Variants in OCA2 observed in about 807,000 individuals in gnomAD.
OCA2 encodes OCA2 melanosomal transmembrane protein.
In OCA2, 77 loss-of-function variants were observed where a neutral mutation model predicts 100.2. The observed-to-expected ratio is 0.77, with a 90% CI of 0.64 to 0.93. The LOEUF (loss-of-function observed/expected upper bound fraction) is 0.93, where lower values mean the gene tolerates loss of function less well. OCA2 is among the 40% of genes least tolerant of loss of function. The probability of loss-of-function intolerance (pLI) is 0.00; values close to 1 mark genes in which losing one functional copy is unlikely to be tolerated. For missense variants in OCA2, 1,062 were observed against 1,089.1 expected, an observed-to-expected ratio of 0.98 and a Z score of 0.35; for synonymous variants, 432 against 439.2, an observed-to-expected ratio of 0.98 and a Z score of 0.21.
At chr15:28,076,853 CAA>C (rs575299612) in intron 2 of OCA2, among the ~76,000 whole-genome samples, 5 of 60,744 alleles carry the variant, frequency 8.2e-5, no homozygotes, top group Admixed American at 1.7e-4. Context: ...GACTCCGTCT[CAA>C]AAAAAAAAAA....
intron 19 of OCA2, among the ~76,000 whole-genome samples, chr15:27,903,446 AC>A (rs1220470280): frequency 6.6e-6 from 1 of 152,042 alleles, no homozygotes; most frequent in African/African-American, 2.4e-5. Flanking sequence ...GGAACTTCCA[AC>A]TCCCACCTAC....
intron 2 of OCA2, among the ~76,000 whole-genome samples, chr15:28,071,323 C>A (rs914944118): frequency 6.6e-6 from 1 of 152,072 alleles, no homozygotes; most frequent in African/African-American, 2.4e-5. Flanking sequence ...TAATCAATAT[C>A]ATAAAAATGT....
In OCA2 at chr15:28,053,679, TCACCTCAGAGGCCC is replaced by T. The variant is rs528563333; in HGVS notation, c.228-21530_228-21517del. Among the ~76,000 whole-genome samples, 903 of 152,206 alleles carry T rather than the reference TCACCTCAGAGGCCC, an allele frequency of 5.9e-3. 2 individuals carry two copies. The highest frequency in any genetic ancestry group is 0.014 in the Middle Eastern group (4 of 294). ...ATGAGGTCTCCCAAAGAGGGGGACC[TCACCTCAGAGGCCC>T]CACCTCAGAGGGCCTCCCAGCACAA... On this transcript the variant is annotated intron_variant, in intron 2 of 23. Transcript: ENST00000354638.
chr15:27,742,462 A>G, the OCA2 span, among the ~76,000 whole-genome samples: 1 of 152,116 alleles, frequency 6.6e-6, no homozygotes, highest in Non-Finnish European at 1.5e-5. Context: ...ACAAAAGCCA[A>G]TCACCTCCCA....
chr15:27,859,976 C>T (rs369338619), intron 21 of OCA2, among the ~76,000 whole-genome samples: 1 of 152,176 alleles, frequency 6.6e-6, no homozygotes, highest in Non-Finnish European at 1.5e-5. Context: ...TATAAAGGTG[C>T]TATTTTTTAA....
In OCA2 at chr15:27,883,877, G is replaced by T. The variant is rs1045514774; in HGVS notation, c.2080-11955C>A. Among the ~76,000 whole-genome samples, 6 of 152,046 alleles carry T rather than the reference G, an allele frequency of 3.9e-5. No individual in the cohort carries two copies. In the South Asian group the frequency reaches 1.2e-3, roughly 32 times the overall value. On this transcript the variant is annotated intron_variant, in intron 19 of 23. Transcript: ENST00000354638. ...CTGACCTGAGCAAAAAGAAAAATCT[G>T]ATTTTTTTGAACCTCTAAAATATAT...
At chr15:28,029,438 A>G (rs2042850503) in intron 3 of OCA2, among the ~76,000 whole-genome samples, 2 of 152,252 alleles carry the variant, frequency 1.3e-5, no homozygotes, top group African/African-American at 4.8e-5. Context: ...ATAAGAAGAC[A>G]GAGGGAAGCA....
At chr15:27,791,407 C>T (rs2033073762) in intron 23 of OCA2, among the ~76,000 whole-genome samples, 1 of 152,108 alleles carries the variant, frequency 6.6e-6, no homozygotes, top group South Asian at 2.1e-4. Flanking sequence ...AGAAGCCAGA[C>T]CCAAAAGGCT....
intron 7 of OCA2, among the ~76,000 whole-genome samples, chr15:28,017,073 G>A (rs767580050): frequency 2.6e-5 from 4 of 151,364 alleles, no homozygotes; most frequent in African/African-American, 9.7e-5. Context: ...CGGGGGGCGG[G>A]GGGGGACCCT....
At chr15:27,990,280 T>A (rs570859021) in intron 10 of OCA2, among the ~76,000 whole-genome samples, 19 of 152,168 alleles carry the variant, frequency 1.2e-4, no homozygotes, top group Admixed American at 7.9e-4. Flanking sequence ...AACACCCAGA[T>A]CCAGCCCCAT....
At chr15:27,838,081 G>A (rs2035221628) in intron 23 of OCA2, among the ~76,000 whole-genome samples, 1 of 151,958 alleles carries the variant, frequency 6.6e-6, no homozygotes, top group Admixed American at 6.6e-5. Context: ...ATCTAAATAC[G>A]GAAGCTGGTA....
At chr15:27,858,002 CA>C (rs919857771) in intron 21 of OCA2, among the ~76,000 whole-genome samples, 1 of 146,688 alleles carries the variant, frequency 6.8e-6, no homozygotes, top group East Asian at 2.0e-4. Context: ...CTGTACACTA[CA>C]AAAAAATCAA....
At position 28,051,657 on chromosome 15, in the gene OCA2, GA is replaced by G. The variant is rs374430754; in HGVS notation, c.228-19495del. 4.1e-4 allele frequency among the ~76,000 whole-genome samples: 59 copies of G among 144,184 alleles called. No homozygotes were observed. In the East Asian group the frequency reaches 8.0e-3, roughly 19 times the overall value. The allele number at this position is 144,184 out of a possible 152,430, so 94.6% of individuals were successfully genotyped here. ...AGGTCTCACTAGGCTGCCCAGGCTG[GA>G]GTGTAGTGGCTATTCATTCAGAGGC... On this transcript the variant is annotated intron_variant, in intron 2 of 23. Transcript: ENST00000354638.
intron 23 of OCA2, among the ~76,000 whole-genome samples, chr15:27,809,513 T>C (rs2033991121): frequency 6.6e-6 from 1 of 152,154 alleles, no homozygotes; most frequent in Non-Finnish European, 1.5e-5. Flanking sequence ...TTGGAAGTAA[T>C]AGCCAGAGCA....
At chr15:28,096,789 G>C (rs2044992234) in intron 1 of OCA2, among the ~76,000 whole-genome samples, 1 of 152,148 alleles carries the variant, frequency 6.6e-6, no homozygotes, top group African/African-American at 2.4e-5. Flanking sequence ...GGGCCCGGGA[G>C]AGGGCCTCGG....
chr15:28,008,154 G>A (rs984700757), intron 9 of OCA2, among the ~76,000 whole-genome samples: 2 of 152,168 alleles, frequency 1.3e-5, no homozygotes, highest in African/African-American at 4.8e-5. Flanking sequence ...GAGCGCCCAC[G>A]ACAAAGCATG....
At chr15:28,082,965 A>T (rs1451592747) in intron 1 of OCA2, among the ~76,000 whole-genome samples, 1 of 152,240 alleles carries the variant, frequency 6.6e-6, no homozygotes, top group Admixed American at 6.5e-5. Context: ...CGACAGCACC[A>T]GAAATGACCT....
At chr15:27,885,332 T>C (rs1236066209) in intron 19 of OCA2, among the ~76,000 whole-genome samples, 3 of 152,140 alleles carry the variant, frequency 2.0e-5, no homozygotes, top group Non-Finnish European at 4.4e-5. Flanking sequence ...TTGGCATGGC[T>C]AAAGATGTCC....
chr15:27,871,985 A>T (rs1379526863), intron 19 of OCA2, 63 bp from the exon 20 acceptor site: 1 of 1,261,806 alleles, frequency 7.9e-7, no homozygotes, highest in African/African-American at 1.5e-5. Flanking sequence ...AGATTTAAAA[A>T]AAAAGTCTTG....
Sources: gnomAD v4.1 joint callset for allele counts (sites outside exome capture counted in the v4.1 genomes callset) on GRCh38, gnomAD v4.1.1 for gene constraint, MANE v1.5 for transcripts, NCBI Gene and HGNC (gene_info 2026-07-23, HGNC 2026-07-21) for gene names.